The following CTNNA3 variants were observed in gnomAD, a reference collection of about 807,000 sequenced individuals.
CTNNA3 encodes the protein catenin alpha-3.
Under a neutral mutation model 95.7 loss-of-function variants are expected in CTNNA3, and 76 were observed. The ratio of observed to expected loss-of-function variants is 0.79; its 90% CI spans 0.66 to 0.96. The LOEUF is 0.96. CTNNA3 is among the 40% of genes least tolerant of loss of function. CTNNA3 has a pLI of 0.00. For synonymous variants in CTNNA3, 431 were observed against 374.4 expected, an observed-to-expected ratio of 1.15 and a Z score of -1.74; for missense variants, 1,191 against 1,089.8, an observed-to-expected ratio of 1.09 and a Z score of -1.31.
intron 15 of CTNNA3, among the ~76,000 whole-genome samples, chr10:66,019,579 A>G (rs1589255889): frequency 6.6e-6 from 1 of 152,176 alleles, no homozygotes; most frequent in East Asian, 1.9e-4. Flanking sequence ...ACATAAAAAA[A>G]TCTGTTGCTG....
intron 12 of CTNNA3, among the ~76,000 whole-genome samples, chr10:66,310,295 T>C (rs950038413): frequency 6.6e-6 from 1 of 152,196 alleles, no homozygotes; most frequent in Non-Finnish European, 1.5e-5. Flanking sequence ...GACATAGAGA[T>C]ATTCGTCACC....
chr10:65,951,758 G>C (rs1052443630), intron 17 of CTNNA3, among the ~76,000 whole-genome samples: 6 of 152,144 alleles, frequency 3.9e-5, no homozygotes, highest in Admixed American at 3.3e-4. Flanking sequence ...GGTCAGGCGC[G>C]GTGGCTTACG....
chr10:66,857,147 TTTA>T (rs1212898236), intron 7 of CTNNA3, among the ~76,000 whole-genome samples: 1 of 151,996 alleles, frequency 6.6e-6, no homozygotes. Context: ...TCTAGCACAA[TTTA>T]TTAAGGGAGT....
chr10:65,973,532 G>T (rs2078150784), intron 16 of CTNNA3, among the ~76,000 whole-genome samples: 1 of 152,038 alleles, frequency 6.6e-6, no homozygotes, highest in African/African-American at 2.4e-5. Flanking sequence ...ATGGGTAAAT[G>T]GTACGAGTTA....
chr10:67,255,034 G>A (rs936382722), intron 5 of CTNNA3, among the ~76,000 whole-genome samples: 2 of 152,112 alleles, frequency 1.3e-5, no homozygotes, highest in African/African-American at 2.4e-5. Flanking sequence ...GGTGGCTCAC[G>A]ACTGTAATCC....
chr10:66,999,221 T>A (rs1301952077), intron 7 of CTNNA3, among the ~76,000 whole-genome samples: 3 of 152,138 alleles, frequency 2.0e-5, no homozygotes, highest in Non-Finnish European at 4.4e-5. Context: ...AATTTAAACA[T>A]GATTTTATGC....
At chr10:66,277,608 A>G (rs2091422314) in intron 13 of CTNNA3, among the ~76,000 whole-genome samples, 1 of 152,222 alleles carries the variant, frequency 6.6e-6, no homozygotes, top group Non-Finnish European at 1.5e-5. Flanking sequence ...TTTTTATGCT[A>G]TAACCCAGTT....
chr10:67,440,263 G>C (rs1408099798), intron 5 of CTNNA3, among the ~76,000 whole-genome samples: 1 of 152,226 alleles, frequency 6.6e-6, no homozygotes, highest in Non-Finnish European at 1.5e-5. Flanking sequence ...CCTGTGGAAA[G>C]TGGAGGGAAG....
chr10:67,097,444 C>T (rs967579651), intron 7 of CTNNA3: 9 of 651,900 alleles, frequency 1.4e-5, no homozygotes, highest in South Asian at 3.7e-5. Context: ...GGGGCATTAG[C>T]GGGATAATAT....
intron 7 of CTNNA3, among the ~76,000 whole-genome samples, chr10:66,985,646 A>G (rs1850685474): frequency 1.3e-5 from 2 of 152,116 alleles, no homozygotes; most frequent in Non-Finnish European, 2.9e-5. Context: ...GAGACCAGGA[A>G]GGGCAGGTGG....
chr10:66,928,544 C>A, intron 7 of CTNNA3: 2 of 1,190,570 alleles, frequency 1.7e-6, no homozygotes, highest in Non-Finnish European at 2.3e-6. Context: ...AACGCGATGC[C>A]CCCCCTCCCC....
At chr10:66,760,848 G>C (rs1010149704) in intron 9 of CTNNA3, among the ~76,000 whole-genome samples, 2 of 152,004 alleles carry the variant, frequency 1.3e-5, no homozygotes, top group African/African-American at 2.4e-5. Flanking sequence ...GGTGTGCTCT[G>C]TTCTACATAA....
chr10:66,742,446 C>A (rs1849358965), intron 9 of CTNNA3, among the ~76,000 whole-genome samples: 2 of 152,090 alleles, frequency 1.3e-5, no homozygotes, highest in African/African-American at 4.8e-5. Context: ...TCTTGCCCTG[C>A]CTCCATTTGC....
chr10:67,230,245 G>A (rs899706564), intron 5 of CTNNA3, among the ~76,000 whole-genome samples: 1 of 152,156 alleles, frequency 6.6e-6, no homozygotes, highest in Non-Finnish European at 1.5e-5. Flanking sequence ...TCAACAAATG[G>A]TGCTGGGATA....
At chr10:66,383,578 T>A (rs2092860888) in intron 11 of CTNNA3, among the ~76,000 whole-genome samples, 1 of 152,090 alleles carries the variant, frequency 6.6e-6, no homozygotes, top group Admixed American at 6.5e-5. Flanking sequence ...AACATTCAAA[T>A]TCAGGAAATA....
intron 9 of CTNNA3, among the ~76,000 whole-genome samples, chr10:66,664,963 G>T (rs10509273): frequency 0.49 from 73,251 of 149,890 alleles, 18,199 homozygotes; most frequent in East Asian, 0.7. Context: ...TCTCTGTTTT[G>T]TAAAGACTCT....
intron 5 of CTNNA3, among the ~76,000 whole-genome samples, chr10:67,505,893 T>C (rs1036949756): frequency 2.0e-5 from 3 of 152,212 alleles, no homozygotes; most frequent in African/African-American, 7.2e-5. Flanking sequence ...TTTTAGCCTG[T>C]ATTAATGCTG....
intron 13 of CTNNA3, among the ~76,000 whole-genome samples, chr10:66,252,671 C>T (rs4746564): frequency 0.17 from 26,577 of 151,984 alleles, 2,569 homozygotes; most frequent in Admixed American, 0.26. Context: ...AACAAAGAAC[C>T]AAGAACGAAT....
rs148217978 is a variant in CTNNA3, at chr10:66,120,279, G to T, written c.1885-17030C>A. On this transcript the variant is annotated intron_variant, in intron 13 of 17. Transcript: ENST00000433211. ...TACCTATCTTATAGGGTTGTTGTGA[G>T]GAATATATGACAGTAATGTAAAGTA... is the stretch of plus-strand genomic sequence containing the variant. Among the ~76,000 whole-genome samples the T allele has an allele frequency of 4.9e-4, 74 of 152,172 alleles. No homozygotes were observed. The East Asian group carries it at 0.013, about 27-fold the overall frequency.
Sources: allele counts gnomAD v4.1 joint callset (sites outside exome capture counted in the v4.1 genomes callset), GRCh38; gene constraint gnomAD v4.1.1; transcripts MANE v1.5; gene names NCBI Gene and HGNC (gene_info 2026-07-23, HGNC 2026-07-21).